GDE1: variants seen among roughly 807,000 people sequenced by gnomAD.
The protein encoded by GDE1 is RGS16-interacting membrane protein.
A neutral mutation model predicts 32.2 loss-of-function variants in GDE1; 24 were observed. The ratio of observed to expected loss-of-function variants is 0.75; its 90% CI spans 0.54 to 1.05. GDE1 has a LOEUF of 1.05. Among genes scored for constraint, GDE1 ranks in the 50% least tolerant of loss-of-function variants. The pLI, the probability that GDE1 is intolerant of heterozygous loss-of-function variation, is 0.00. For missense variants in GDE1, 380 were observed against 415.0 expected (o/e 0.92, Z 0.73); for synonymous variants, 159 against 158.6 (o/e 1.00, Z -0.02).
chr16:19,513,161 T>C (rs1381856716), intron 2 of GDE1, among the ~76,000 whole-genome samples: 1 of 152,170 alleles, frequency 6.6e-6, no homozygotes, highest in Non-Finnish European at 1.5e-5. Context: ...TTTGATATTT[T>C]GATAGGGATT....
At chr16:19,505,812 C>A (rs1341990448) in intron 4 of GDE1, among the ~76,000 whole-genome samples, 1 of 152,170 alleles carries the variant, frequency 6.6e-6, no homozygotes, top group Non-Finnish European at 1.5e-5. Flanking sequence ...AATGTATGCT[C>A]TGTTGGTCAC....
At chr16:19,506,240 T>C (rs1409144103) in intron 4 of GDE1, among the ~76,000 whole-genome samples, 1 of 149,226 alleles carries the variant, frequency 6.7e-6, no homozygotes, top group African/African-American at 2.4e-5. Context: ...AATTTGGACT[T>C]GGGTAAACTC....
chr16:19,522,029 A>G lies in GDE1; in HGVS notation c.-65T>C. 6.8e-7 allele frequency: 1 copy of G among 1,475,070 alleles called. No homozygotes were observed. The highest frequency in any genetic ancestry group is 2.3e-5 in the Admixed American group (1 of 43,828). 91.4% of individuals were successfully genotyped at this position (1,475,070 alleles called of 1,614,324 possible). A position where few individuals can be genotyped will look rare whatever the true frequency, so the allele number is the denominator to read the frequency against. On this transcript the variant is annotated 5_prime_UTR_variant, in exon 1 of 6. Transcript: ENST00000353258. Reference sequence around the variant, plus strand: ...GCCGGGCTCCTGGGGCAGTAGAACGAGAAGCGAGGGGGAGGGTCCAAGGCA... The same window carrying G: ...GCCGGGCTCCTGGGGCAGTAGAACGGGAAGCGAGGGGGAGGGTCCAAGGCA...
intron 1 of GDE1, among the ~76,000 whole-genome samples, chr16:19,520,730 A>G (rs1969441830): frequency 7.0e-6 from 1 of 142,330 alleles, no homozygotes; most frequent in Admixed American, 7.4e-5. Context: ...GTAAAGTAAA[A>G]AAAAAAAAAA....
chr16:19,517,256 A>C (rs1395567629), intron 1 of GDE1, 67 bp from the exon 2 acceptor site: 2 of 1,271,890 alleles, frequency 1.6e-6, no homozygotes, highest in African/African-American at 1.5e-5. Context: ...CTAACCACCC[A>C]AAAGACCAGC....
intron 5 of GDE1, 125 bp downstream of exon 5, chr16:19,504,756 A>G (rs756684532): frequency 1.6e-6 from 1 of 640,854 alleles, no homozygotes; most frequent in South Asian, 2.0e-5. Context: ...TGGTAATCCA[A>G]TTTAGAGGTA....
intron 3 of GDE1, among the ~76,000 whole-genome samples, chr16:19,509,898 GT>G (rs907157250): frequency 1.3e-5 from 2 of 151,932 alleles, no homozygotes; most frequent in Non-Finnish European, 2.9e-5. Context: ...CTGACCTCAG[GT>G]GATCCACTCC....
intron 2 of GDE1, 65 bp downstream of exon 2, chr16:19,516,949 G>T (rs1969387573): frequency 7.3e-7 from 1 of 1,364,874 alleles, no homozygotes; most frequent in Non-Finnish European, 1.0e-6. Flanking sequence ...TAATTAGAAG[G>T]CACCAGTGTC....
intron 3 of GDE1, among the ~76,000 whole-genome samples, chr16:19,509,396 T>G (rs868745895): frequency 1.3e-5 from 2 of 152,146 alleles, no homozygotes; most frequent in Admixed American, 1.3e-4. Flanking sequence ...ACATCAACAA[T>G]GAGCACCTGA....
At position 19,521,746 on chromosome 16, in the gene GDE1, G is replaced by A. The variant is rs771101319; in HGVS notation, c.219C>T (p.Gly73=). Residue 73 remains glycine (G), a synonymous_variant, in exon 1 of 6, where the codon GGC becomes GGT. Transcript: ENST00000353258. ...GCGTGTTCTCGGGCGCGTCGTGGCT[G>A]CCGCCACGGTGGGCGATGGCAGAAA... is the stretch of plus-strand genomic sequence containing the variant. ...DRISAIAHRG[G]SHDAPENTLA... The A allele has an allele frequency of 1.2e-6, 2 of 1,611,938 alleles. No individual in the cohort carries two copies. The highest frequency in any genetic ancestry group is 1.7e-6 in the Non-Finnish European group (2 of 1,179,588).
intron 1 of GDE1, among the ~76,000 whole-genome samples, chr16:19,518,957 T>TC (rs1460516754): frequency 6.6e-6 from 1 of 152,108 alleles, no homozygotes; most frequent in African/African-American, 2.4e-5. Flanking sequence ...TGGGGGTTTT[T>TC]CCCCACCAAT....
rs1969231594 is a variant in GDE1 at position 19,505,187 on chromosome 16, G to A, written c.637-95C>T. 4.9e-6 allele frequency: 4 copies of A among 822,404 alleles called. No homozygotes were observed. The African/African-American group carries it at 5.0e-5, about 10-fold the overall frequency. The allele number at this position is 822,404 out of a possible 1,614,324, so 50.9% of individuals were successfully genotyped here. A position where few individuals can be genotyped will look rare whatever the true frequency, so the allele number is the denominator to read the frequency against. On this transcript the variant is annotated intron_variant, in intron 4 of 5. Coordinates refer to ENST00000353258, the MANE Select transcript of GDE1 (RefSeq NM_016641.4). ...GCCAATGTGCTCAATCAGATGAGGT[G>A]GTCATGGTTGGTACCCTGCCCCGGT...
At chr16:19,510,342 A>G (rs538799739) in intron 3 of GDE1, among the ~76,000 whole-genome samples, 1 of 152,236 alleles carries the variant, frequency 6.6e-6, no homozygotes, top group Non-Finnish European at 1.5e-5. Flanking sequence ...AATTATACAA[A>G]GGGATAAATC....
intron 4 of GDE1, among the ~76,000 whole-genome samples, chr16:19,506,300 C>G (rs1056725549): frequency 6.6e-6 from 1 of 151,936 alleles, no homozygotes; most frequent in African/African-American, 2.4e-5. Flanking sequence ...AAGGACCCCC[C>G]CCAAAACAAA....
Position 19,521,974 on chromosome 16 carries a change from C to A in GDE1, c.-10G>T. On this transcript the variant is annotated 5_prime_UTR_variant, in exon 1 of 6. Transcript: ENST00000353258. ...CCTCCCACAGCCACATGCCGGCGCC[C>A]GCACCGGCACGGACGGGAGTCCCGG... 1 of 1,525,746 alleles carries A rather than the reference C, an allele frequency of 6.6e-7. No individual in the cohort carries two copies. The highest frequency in any genetic ancestry group is 2.0e-5 in the Admixed American group (1 of 50,022). 94.5% of individuals were successfully genotyped at this position (1,525,746 alleles called of 1,614,324 possible). A position where few individuals can be genotyped will look rare whatever the true frequency, so the allele number is the denominator to read the frequency against.
At chr16:19,503,935 TTCTTTTCTG>T (rs1724774494) in intron 5 of GDE1, 1 of 251,242 alleles carries the variant, frequency 4.0e-6, no homozygotes, top group East Asian at 7.5e-5. Context: ...CATTCCCCCT[TTCTTTTCTG>T]TGCTGATTAA....
intron 2 of GDE1, among the ~76,000 whole-genome samples, chr16:19,514,742 A>C (rs1046594261): frequency 6.6e-6 from 1 of 152,174 alleles, no homozygotes; most frequent in African/African-American, 2.4e-5. Context: ...CAACTGCATT[A>C]TTTCAACTGT....
chr16:19,509,684 G>T (rs1324633716), intron 3 of GDE1, among the ~76,000 whole-genome samples: 1 of 148,998 alleles, frequency 6.7e-6, no homozygotes, highest in Non-Finnish European at 1.5e-5. Context: ...TTTTGAGACG[G>T]AGTCTCGCTC....
intron 5 of GDE1, 186 bp downstream of exon 5, chr16:19,504,695 G>A (rs78394754): frequency 0.031 from 17,492 of 562,646 alleles, 360 homozygotes; most frequent in Middle Eastern, 0.05. Flanking sequence ...GATCGACTCG[G>A]TCTGAAAACA....
Sources: allele counts gnomAD v4.1 joint callset (sites outside exome capture counted in the v4.1 genomes callset), GRCh38; gene constraint gnomAD v4.1.1; transcripts MANE v1.5; gene names NCBI Gene and HGNC (gene_info 2026-07-23, HGNC 2026-07-21).